Variants in VPS13B observed in about 807,000 individuals in gnomAD.
VPS13B encodes vacuolar protein sorting 13 homolog B.
VPS13B carries 285 observed loss-of-function variants against 426.4 expected under a neutral mutation model. The observed-to-expected ratio is 0.67, with a 90% CI of 0.61 to 0.74. VPS13B has a LOEUF of 0.74. VPS13B is among the 30% of genes least tolerant of loss of function. The pLI is 0.00. For missense variants in VPS13B, 4,537 were observed against 4,782.6 expected (o/e 0.95, Z 1.51); for synonymous variants, 1,676 against 1,676.4 (o/e 1.00, Z 0.01).
chr8:99,670,446 A>G (rs1242946067), intron 35 of VPS13B, among the ~76,000 whole-genome samples: 2 of 152,126 alleles, frequency 1.3e-5, no homozygotes. Context: ...GCTAATTAAT[A>G]TATTTATCAC....
intron 39 of VPS13B, among the ~76,000 whole-genome samples, chr8:99,748,165 G>A (rs1461019833): frequency 6.6e-6 from 1 of 151,896 alleles, no homozygotes; most frequent in Non-Finnish European, 1.5e-5. Context: ...TAACTAAATT[G>A]TCTAAAAAGC....
At chr8:99,857,480 C>T (rs1245875792) in intron 56 of VPS13B, among the ~76,000 whole-genome samples, 1 of 152,190 alleles carries the variant, frequency 6.6e-6, no homozygotes, top group Admixed American at 6.5e-5. Context: ...GAAGGCCCTC[C>T]ATGGAGGAAT....
chr8:99,217,848 T>A (rs1815473489), intron 17 of VPS13B, among the ~76,000 whole-genome samples: 1 of 152,190 alleles, frequency 6.6e-6, no homozygotes, highest in African/African-American at 2.4e-5. Context: ...TTATCTATGG[T>A]GACTTTTGCA....
At chr8:99,054,861 C>G (rs1432031352) in intron 3 of VPS13B, among the ~76,000 whole-genome samples, 2 of 152,074 alleles carry the variant, frequency 1.3e-5, no homozygotes, top group East Asian at 3.9e-4. Context: ...GGTCTTGTCA[C>G]TCTTGTTGAA....
intron 21 of VPS13B, among the ~76,000 whole-genome samples, chr8:99,399,922 C>T (rs751222735): frequency 5.6e-4 from 85 of 151,972 alleles, no homozygotes; most frequent in Non-Finnish European, 1.6e-4. Context: ...CTTGTTGGAT[C>T]GTTTTCTTGA....
intron 17 of VPS13B, among the ~76,000 whole-genome samples, chr8:99,253,942 C>T (rs1817628258): frequency 6.6e-6 from 1 of 152,124 alleles, no homozygotes; most frequent in Admixed American, 6.5e-5. Context: ...ACATTTCTAA[C>T]TCATTACAGT....
chr8:99,102,723 A>C (rs1348563683), intron 4 of VPS13B, among the ~76,000 whole-genome samples: 4 of 152,190 alleles, frequency 2.6e-5, no homozygotes, highest in African/African-American at 4.8e-5. Context: ...TTAGTATATG[A>C]ATACTTCACT....
At chr8:99,291,673 A>G (rs1346259524) in intron 19 of VPS13B, among the ~76,000 whole-genome samples, 2 of 152,110 alleles carry the variant, frequency 1.3e-5, no homozygotes, top group Non-Finnish European at 2.9e-5. Context: ...GGAAAAAGAG[A>G]TTAATTTGAA....
chr8:99,763,166 GAA>G (rs1376412568), intron 39 of VPS13B, among the ~76,000 whole-genome samples: 1 of 77,434 alleles, frequency 1.3e-5, no homozygotes, highest in African/African-American at 5.0e-5. Context: ...AAAAAAAAAA[GAA>G]GAGAAAAATT....
At chr8:99,447,180 C>CT (rs1817962497) in intron 23 of VPS13B, among the ~76,000 whole-genome samples, 1 of 152,136 alleles carries the variant, frequency 6.6e-6, no homozygotes, top group Non-Finnish European at 1.5e-5. Flanking sequence ...AAGATTCCTC[C>CT]TATACAGGCT....
Position 99,835,294 on chromosome 8 carries a change from G to T in VPS13B, c.9712G>T (p.Val3238Leu). The change falls in exon 53 of 62, where the codon GTA (valine) becomes TTA (leucine). Residue 3238 changes from valine (V) to leucine (L), a missense_variant. Around this residue, in one of 2 missense-constraint regions of VPS13B, gnomAD observed 4,311 missense variants for 4,474.3 expected, o/e 0.96. Coordinates refer to ENST00000357162, the MANE Select transcript of VPS13B (RefSeq NM_152564.5). ...PRVIIHNRCPVKMLIKENIKD... is the reference protein window; with the variant it reads ...PRVIIHNRCPLKMLIKENIKD... ...AGTAATTATCCACAATAGATGTCCAGTAAAAATGCTTATAAAGGAAAACAT... is the reference window on the plus strand; with the variant it reads ...AGTAATTATCCACAATAGATGTCCATTAAAAATGCTTATAAAGGAAAACAT... 1 of 1,612,820 alleles carries T rather than the reference G, an allele frequency of 6.2e-7. No individual in the cohort carries two copies. Among genetic ancestry groups the T allele is most frequent in the Non-Finnish European group, 8.5e-7 (1 of 1,178,994 alleles).
chr8:99,062,217 G>A (rs1248251106), intron 3 of VPS13B, among the ~76,000 whole-genome samples: 1 of 152,154 alleles, frequency 6.6e-6, no homozygotes, highest in Non-Finnish European at 1.5e-5. Flanking sequence ...GATAGGACAT[G>A]CCATTTCCTG....
chr8:99,413,265 C>G (rs1489387736), intron 21 of VPS13B, among the ~76,000 whole-genome samples: 1 of 152,100 alleles, frequency 6.6e-6, no homozygotes, highest in African/African-American at 2.4e-5. Flanking sequence ...AGGGATTCAA[C>G]TTCTTCCTGG....
chr8:99,450,310 T>G (rs1818124418), intron 23 of VPS13B, among the ~76,000 whole-genome samples: 3 of 152,226 alleles, frequency 2.0e-5, no homozygotes, highest in South Asian at 4.1e-4. Context: ...TGAAACTTAA[T>G]GATTCATTGT....
chr8:99,487,291 T>C (rs916948137), intron 25 of VPS13B, among the ~76,000 whole-genome samples: 3 of 152,218 alleles, frequency 2.0e-5, no homozygotes, highest in Non-Finnish European at 4.4e-5. Context: ...GCTGTGGTAG[T>C]ACAAATGGTA....
chr8:99,442,011 AAAT>A (rs1817703792), intron 22 of VPS13B, among the ~76,000 whole-genome samples: 1 of 152,160 alleles, frequency 6.6e-6, no homozygotes, highest in South Asian at 2.1e-4. Context: ...ATTCACGTAA[AAAT>A]AGCCCTTTTT....
intron 31 of VPS13B, among the ~76,000 whole-genome samples, chr8:99,558,145 G>A (rs551370842): frequency 1.6e-4 from 24 of 152,038 alleles, no homozygotes; most frequent in Non-Finnish European, 2.9e-4. Context: ...ATTATGCAAC[G>A]CTTATCACTT....
intron 3 of VPS13B, among the ~76,000 whole-genome samples, chr8:99,070,495 C>A (rs1448624018): frequency 6.6e-6 from 1 of 152,164 alleles, no homozygotes; most frequent in East Asian, 1.9e-4. Context: ...AAGTATTTGA[C>A]TGCTTATGGC....
At position 99,058,281 on chromosome 8, in the gene VPS13B, AT is replaced by A. The variant is rs1183436983; in HGVS notation, c.291+19716del. On this transcript the variant is annotated intron_variant, in intron 3 of 61. Transcript: ENST00000357162. Reference sequence around the variant, plus strand: ...TCTCTTAAGTCAGATTTAAAAAAAAATATAATGCCCCCTTTTTTTATTTTTG... The same window carrying A: ...TCTCTTAAGTCAGATTTAAAAAAAAAATAATGCCCCCTTTTTTTATTTTTG... Among the ~76,000 whole-genome samples, 7 of 151,906 alleles carry A rather than the reference AT, an allele frequency of 4.6e-5. No individual in the cohort carries two copies. The East Asian group carries it at 1.2e-3, about 25-fold the overall frequency.
Sources: gnomAD v4.1 joint callset for allele counts (sites outside exome capture counted in the v4.1 genomes callset) on GRCh38, gnomAD v4.1.1 for gene constraint, gnomAD v4.1.1 regional missense constraint, MANE v1.5 for transcripts, NCBI Gene and HGNC (gene_info 2026-07-23, HGNC 2026-07-21) for gene names.